SEC24A: variants seen among roughly 807,000 people sequenced by gnomAD.
SEC24A encodes SEC24 homolog A, COPII component, also known as protein transport protein Sec24A.
SEC24A carries 93 observed loss-of-function variants against 129.4 expected under a neutral mutation model. The ratio of observed to expected loss-of-function variants is 0.72; its 90% CI spans 0.61 to 0.85. SEC24A has a LOEUF of 0.85. Ranked by LOEUF, SEC24A falls within the 40% of genes least tolerant of loss-of-function variation. The pLI is 0.00. For synonymous variants in SEC24A, 460 were observed against 467.3 expected (o/e 0.98, Z 0.20); for missense variants, 1,264 against 1,307.4 (o/e 0.97, Z 0.51).
intron 3 of SEC24A, among the ~76,000 whole-genome samples, chr5:134,668,390 A>C (rs1398066739): frequency 6.6e-6 from 1 of 152,128 alleles, no homozygotes; most frequent in African/African-American, 2.4e-5. Context: ...GGAGTTTGAG[A>C]CCAGCCTGAC....
At chr5:134,713,563 A>G (rs1752391727) in intron 18 of SEC24A, among the ~76,000 whole-genome samples, 1 of 152,190 alleles carries the variant, frequency 6.6e-6, no homozygotes, top group South Asian at 2.1e-4. Flanking sequence ...ATAATAGACA[A>G]TCAGGAAATA....
At chr5:134,692,255 C>T (rs1053714144) in intron 11 of SEC24A, among the ~76,000 whole-genome samples, 2 of 152,006 alleles carry the variant, frequency 1.3e-5, no homozygotes, top group Non-Finnish European at 2.9e-5. Flanking sequence ...CTGTGTTGCC[C>T]AGGCTGGTCT....
intron 18 of SEC24A, among the ~76,000 whole-genome samples, chr5:134,711,036 T>A (rs1752311737): frequency 6.6e-6 from 1 of 152,126 alleles, no homozygotes; most frequent in African/African-American, 2.4e-5. Context: ...CTTGGGAGGC[T>A]GAGGCAGGAG....
rs1752789707 is a variant in SEC24A, at chr5:134,727,748, A to C, written c.*2654A>C. The C allele has an allele frequency of 2.0e-5, 3 of 152,560 alleles. No individual in the cohort carries two copies. Among genetic ancestry groups the C allele is most frequent in the African/African-American group, 2.4e-5 (1 of 41,434 alleles). 9.5% of individuals were successfully genotyped at this position (152,560 alleles called of 1,614,324 possible). Reference sequence around the variant, plus strand: ...TGTGTTAAATCTTGCTTCTCTGAAAAGTTGGAGACAAGATTTGTCTTCCTT... The same window carrying C: ...TGTGTTAAATCTTGCTTCTCTGAAACGTTGGAGACAAGATTTGTCTTCCTT... On this transcript the variant is annotated 3_prime_UTR_variant, in exon 23 of 23. Transcript: ENST00000398844.
intron 17 of SEC24A, among the ~76,000 whole-genome samples, chr5:134,706,453 G>A (rs1752162740): frequency 6.6e-6 from 1 of 152,016 alleles, no homozygotes; most frequent in African/African-American, 2.4e-5. Context: ...ACATCATTTT[G>A]ATTCTTGTGG....
intron 1 of SEC24A, among the ~76,000 whole-genome samples, chr5:134,656,815 T>C (rs1750263745): frequency 6.6e-6 from 1 of 150,650 alleles, no homozygotes; most frequent in Non-Finnish European, 1.5e-5. Flanking sequence ...CAGCTCTCAT[T>C]CTGTCGCCCT....
In SEC24A at chr5:134,674,602, A is replaced by T; in HGVS notation, c.818-13A>T. ...GAGTATAAAATAGAACTTAAAAGTT[A>T]CCTTGTTTCTAGCAACACCACAGCT... On this transcript the variant is annotated splice_polypyrimidine_tract_variant and intron_variant, in intron 4 of 22. Coordinates refer to ENST00000398844, the MANE Select transcript of SEC24A (RefSeq NM_021982.3). The T allele has an allele frequency of 6.2e-7, 1 of 1,606,700 alleles. No homozygotes were observed. Among genetic ancestry groups the T allele is most frequent in the Non-Finnish European group, 8.5e-7 (1 of 1,176,752 alleles).
chr5:134,684,720 A>G (rs1751390680), intron 9 of SEC24A, among the ~76,000 whole-genome samples: 1 of 152,054 alleles, frequency 6.6e-6, no homozygotes, highest in African/African-American at 2.4e-5. Context: ...CTCAAAAAAC[A>G]AAAAAGAAAA....
At chr5:134,672,771 TG>T (rs1480018578) in intron 4 of SEC24A, among the ~76,000 whole-genome samples, 1 of 152,022 alleles carries the variant, frequency 6.6e-6, no homozygotes, top group Non-Finnish European at 1.5e-5. Flanking sequence ...ACAGGGTCTC[TG>T]TCACCCAGGC....
intron 8 of SEC24A, among the ~76,000 whole-genome samples, chr5:134,681,936 A>G (rs1178726840): frequency 1.3e-5 from 2 of 152,064 alleles, no homozygotes; most frequent in African/African-American, 2.4e-5. Context: ...ATATCCTTGT[A>G]TAATTGGGAA....
chr5:134,656,373 C>T lies in SEC24A; in HGVS notation c.98-4746C>T, dbSNP rs1416285398. On this transcript the variant is annotated intron_variant, in intron 1 of 22. Transcript: ENST00000398844. Reference sequence around the variant, plus strand: ...GATTACAGGCCTGAGCCACCGCGCCCAGCGCAGATAAATATCTTTATACTG... The same window carrying T: ...GATTACAGGCCTGAGCCACCGCGCCTAGCGCAGATAAATATCTTTATACTG... 3.3e-5 allele frequency among the ~76,000 whole-genome samples: 5 copies of T among 152,066 alleles called. No individual in the cohort carries two copies. The East Asian group carries it at 9.7e-4, about 29-fold the overall frequency.
At chr5:134,710,333 G>A (rs1008846294) in intron 18 of SEC24A, among the ~76,000 whole-genome samples, 7 of 151,692 alleles carry the variant, frequency 4.6e-5, no homozygotes, top group Non-Finnish European at 8.8e-5. Flanking sequence ...CTGCGTTCAG[G>A]CAATTCTCTC....
chr5:134,669,790 A>G (rs1277529993), intron 3 of SEC24A, among the ~76,000 whole-genome samples: 3 of 151,894 alleles, frequency 2.0e-5, no homozygotes, highest in Non-Finnish European at 4.4e-5. Flanking sequence ...GAAAAAAAAA[A>G]CTTTTAAGAG....
At chr5:134,665,634 G>A (rs112135292) in intron 2 of SEC24A, among the ~76,000 whole-genome samples, 3,708 of 151,774 alleles carry the variant, frequency 0.024, 65 homozygotes, top group African/African-American at 0.055. Context: ...TCAGCTCATT[G>A]CAACCTCTGC....
intron 15 of SEC24A, among the ~76,000 whole-genome samples, chr5:134,699,714 T>C (rs1751944864): frequency 1.3e-5 from 2 of 150,116 alleles, no homozygotes; most frequent in Admixed American, 6.6e-5. Flanking sequence ...TTTTTTTTTT[T>C]TTTGAGCCAG....
chr5:134,675,581 TA>T (rs1292352013), intron 6 of SEC24A, among the ~76,000 whole-genome samples: 8 of 152,186 alleles, frequency 5.3e-5, no homozygotes, highest in Non-Finnish European at 1.0e-4. Context: ...CTTTTTTTCC[TA>T]AAAACTTACC....
intron 8 of SEC24A, among the ~76,000 whole-genome samples, chr5:134,682,100 G>A (rs1192423278): frequency 6.6e-6 from 1 of 151,978 alleles, no homozygotes; most frequent in African/African-American, 2.4e-5. Flanking sequence ...AAAATTAGCC[G>A]GGCGTGGTGG....
Position 134,661,195 on chromosome 5 carries a change from C to T in SEC24A, c.174C>T (p.Tyr58=), listed in dbSNP as rs1292552535. Residue 58 remains tyrosine (Y), a synonymous_variant, in exon 2 of 23, where the codon TAC becomes TAT. Coordinates refer to ENST00000398844, the MANE Select transcript of SEC24A (RefSeq NM_021982.3). ...QGYNFQLPGS[Y]PHPIPAKTLN... is the part of the protein sequence containing the mutation. Reference sequence around the variant, plus strand: ...ACAATTTCCAGCTTCCAGGATCCTACCCTCATCCAATACCAGCAAAGACTT... The same window carrying T: ...ACAATTTCCAGCTTCCAGGATCCTATCCTCATCCAATACCAGCAAAGACTT... 3 of 1,613,970 alleles carry T rather than the reference C, an allele frequency of 1.9e-6. No homozygotes were observed. The highest frequency in any genetic ancestry group is 1.3e-5 in the African/African-American group (1 of 74,902).
rs186121264 is a variant in SEC24A at position 134,703,858 on chromosome 5, T to C, written c.2366T>C (p.Met789Thr). 6.2e-7 allele frequency: 1 copy of C among 1,613,170 alleles called. No homozygotes were observed. The highest frequency in any genetic ancestry group is 2.2e-5 in the East Asian group (1 of 44,870). Residue 789 changes from methionine (M) to threonine (T), a missense_variant, in exon 16 of 23, where the codon ATG becomes ACG. By Grantham distance (81) the Met-to-Thr change is moderately conservative. Coordinates refer to ENST00000398844, the MANE Select transcript of SEC24A (RefSeq NM_021982.3). ...CCAGACGCTGGGTATGCAGTACAGA[T>C]GTCAGTGGAAGAGAGTCTTACTGAC... ...VNPDAGYAVQ[M>T]SVEESLTDTQ...
Sources: gnomAD v4.1 joint callset for allele counts (sites outside exome capture counted in the v4.1 genomes callset) on GRCh38, gnomAD v4.1.1 for gene constraint, MANE v1.5 for transcripts, NCBI Gene and HGNC (gene_info 2026-07-23, HGNC 2026-07-21) for gene names.